Variants in NEU2 observed in about 807,000 individuals in gnomAD.
NEU2 encodes the protein sialidase-2.
NEU2 carries 7 observed loss-of-function variants against 6.3 expected under a neutral mutation model. That is an observed-to-expected ratio of 1.12 (90% CI 0.63 to 2.10). The LOEUF (loss-of-function observed/expected upper bound fraction) is 2.10. Among genes scored for constraint, NEU2 ranks in the 30% most tolerant of loss-of-function variants. The pLI, the probability that NEU2 is intolerant of heterozygous loss-of-function variation, is 0.00. For synonymous variants in NEU2, 208 were observed against 223.3 expected, an observed-to-expected ratio of 0.93 and a Z score of 0.61; for missense variants, 509 against 504.0, an observed-to-expected ratio of 1.01 and a Z score of -0.09.
At chr2:233,033,999 T>C (rs1303544734) in intron 1 of NEU2, 117 bp from the exon 2 acceptor site, 4 of 877,688 alleles carry the variant, frequency 4.6e-6, no homozygotes, top group Non-Finnish European at 7.1e-6. Flanking sequence ...TTCTTCTCGA[T>C]GACTTTTGAC....
rs2233389 is a variant in NEU2, at chr2:233,034,241, C to A, written c.327C>A (p.Val109=). ...FLFFIAIPGQ[V]TEQQQLQTRA... is the part of the protein sequence containing the mutation. ...TCTTCATTGCCATCCCTGGGCAAGT[C>A]ACGGAGCAACAGCAGCTGCAGACCA... Residue 109 remains valine, a synonymous_variant, in exon 2 of 2, where the codon GTC becomes GTA. Transcript: ENST00000233840. This position sits in a 1 kb window ranked among gnomAD's most constrained non-coding sequence, Gnocchi z 4.8. The A allele has an allele frequency of 8.6e-4, 1,393 of 1,614,190 alleles. 7 individuals carry two copies. In the East Asian group the frequency reaches 9.5e-3, roughly 11 times the overall value.
chr2:233,033,534 G>A (rs139730661), intron 1 of NEU2, among the ~76,000 whole-genome samples: 403 of 152,288 alleles, frequency 2.6e-3, no homozygotes, highest in African/African-American at 9.1e-3. Flanking sequence ...TTGGTGCTGT[G>A]TCTGTGCTTA....
Position 233,032,782 on chromosome 2 carries a change from C to G in NEU2, c.111C>G (p.Phe37Leu). The change falls in exon 1 of 2, where the codon TTC (phenylalanine) becomes TTG (leucine). Residue 37 changes from phenylalanine (F) to leucine (L), a missense_variant. Coordinates refer to ENST00000233840, the MANE Select transcript of NEU2 (RefSeq NM_005383.2). ...CTGGGCAGCAGTCCCTGCTGGCCTT[C>G]GCGGAACAGCGGGCAAGCAAGAAGG... The part of the protein sequence containing the change: ...YLPGQQSLLA[F>L]AEQRASKKDE... 1 of 1,614,188 alleles carries G rather than the reference C, an allele frequency of 6.2e-7. No homozygotes were observed. Among genetic ancestry groups the G allele is most frequent in the Non-Finnish European group, 8.5e-7 (1 of 1,180,044 alleles).
chr2:233,035,018 C>T lies in NEU2; in HGVS notation c.1104C>T (p.Thr368=). Residue 368 remains threonine (T), a synonymous_variant, in exon 2 of 2, where the codon ACC becomes ACT. Transcript: ENST00000233840. The part of the protein sequence containing the change: ...DYEEIVFLMF[T]LKQAFPAEYL... ...AGGAGATTGTCTTTCTCATGTTCAC[C>T]CTGAAGCAAGCCTTCCCAGCTGAGT... 2 of 1,611,442 alleles carry T rather than the reference C, an allele frequency of 1.2e-6. No individual in the cohort carries two copies. Among genetic ancestry groups the T allele is most frequent in the East Asian group, 2.2e-5 (1 of 44,852 alleles).
chr2:233,034,829 C>T lies in NEU2; in HGVS notation c.915C>T (p.Ala305=), dbSNP rs767831246. ...YTHPTHSWQR[A]DLGAYLNPRP... is the part of the protein sequence containing the mutation. ...ACCCCACACACTCCTGGCAGAGGGC[C>T]GACCTGGGTGCCTACCTCAACCCGC... The change falls in exon 2 of 2, where the codon GCC becomes GCT. Residue 305 remains alanine (A), a synonymous_variant. Transcript: ENST00000233840. The surrounding 1 kb of genome is among the most constrained non-coding windows in gnomAD (Gnocchi z 4.8). 18 of 1,599,366 alleles carry T rather than the reference C, an allele frequency of 1.1e-5. No homozygotes were observed. The highest frequency in any genetic ancestry group is 3.3e-4 in the Middle Eastern group (2 of 5,992).
At chr2:233,033,812 A>G (rs1261881740) in intron 1 of NEU2, among the ~76,000 whole-genome samples, 1 of 152,156 alleles carries the variant, frequency 6.6e-6, no homozygotes, top group East Asian at 1.9e-4. Flanking sequence ...CTCATGCACG[A>G]GTCATCTTCA....
rs980257379 is a variant in NEU2 at position 233,034,706 on chromosome 2, G to T, written c.792G>T (p.Leu264=). The change falls in exon 2 of 2, where the codon CTG becomes CTT. Residue 264 remains leucine, a synonymous_variant. Transcript: ENST00000233840. This position sits in a 1 kb window ranked among gnomAD's most constrained non-coding sequence, Gnocchi z 4.8. The part of the protein sequence containing the change: ...DFQESQLVKK[L]VEPPPQGCQG... ...AGGAGTCTCAGCTGGTGAAGAAGCT[G>T]GTGGAGCCGCCGCCCCAGGGCTGCC... 6.5e-6 allele frequency: 10 copies of T among 1,547,832 alleles called. No individual in the cohort carries two copies. The highest frequency in any genetic ancestry group is 8.7e-6 in the Non-Finnish European group (10 of 1,146,184).
chr2:233,034,334 A>G lies in NEU2; in HGVS notation c.420A>G (p.Arg140=). The G allele has an allele frequency of 6.2e-7, 1 of 1,614,108 alleles. No individual in the cohort carries two copies. Residue 140 remains arginine, a synonymous_variant, in exon 2 of 2, where the codon AGA becomes AGG. Transcript: ENST00000233840. The surrounding 1 kb of genome is among the most constrained non-coding windows in gnomAD (Gnocchi z 4.8). ...TDHGRTWSSP[R]DLTDAAIGPA... is the part of the protein sequence containing the mutation. ...ACGGGAGGACCTGGAGCTCCCCCAGAGACCTCACTGATGCGGCCATCGGCC... is the reference window on the plus strand; with the variant it reads ...ACGGGAGGACCTGGAGCTCCCCCAGGGACCTCACTGATGCGGCCATCGGCC...
chr2:233,033,821 C>T (rs1690547315), intron 1 of NEU2, among the ~76,000 whole-genome samples: 1 of 152,140 alleles, frequency 6.6e-6, no homozygotes, highest in Non-Finnish European at 1.5e-5. Context: ...GAGTCATCTT[C>T]ATATCTTGTG....
At position 233,034,256 on chromosome 2, in the gene NEU2, G is replaced by T. The variant is rs771265197; in HGVS notation, c.342G>T (p.Gln114His). ...CTGGGCAAGTCACGGAGCAACAGCA[G>T]CTGCAGACCAGGGCCAATGTGACGC... ...AIPGQVTEQQQLQTRANVTRL... is the reference protein window; with the variant it reads ...AIPGQVTEQQHLQTRANVTRL... The change falls in exon 2 of 2, where the codon CAG (glutamine) becomes CAT (histidine). Residue 114 changes from glutamine (Q) to histidine (H), a missense_variant. Transcript: ENST00000233840. This position sits in a 1 kb window ranked among gnomAD's most constrained non-coding sequence, Gnocchi z 4.8. 8 of 1,614,200 alleles carry T rather than the reference G, an allele frequency of 5.0e-6. No individual in the cohort carries two copies. In the Admixed American group the frequency reaches 5.0e-5, roughly 10 times the overall value.
At position 233,034,680 on chromosome 2, in the gene NEU2, C is replaced by T. The variant is rs747287252; in HGVS notation, c.766C>T (p.Gln256Ter). The stretch of plus-strand genomic sequence containing the variant: ...GAGCACCAATGACGGGCTTGATTTC[C>T]AGGAGTCTCAGCTGGTGAAGAAGCT... ...AQSTNDGLDFQESQLVKKLVE... is the reference protein window; with the variant it reads ...AQSTNDGLDF The change falls in exon 2 of 2, where the codon CAG becomes TAG. Residue 256 changes from glutamine (Q) to a stop codon, truncating the protein, a stop_gained. Transcript: ENST00000233840. LOFTEE classifies it low-confidence loss of function (END_TRUNC). This position sits in a 1 kb window ranked among gnomAD's most constrained non-coding sequence, Gnocchi z 4.8. 2 of 1,561,138 alleles carry T rather than the reference C, an allele frequency of 1.3e-6. No individual in the cohort carries two copies. The highest frequency in any genetic ancestry group is 1.7e-6 in the Non-Finnish European group (2 of 1,150,780).
At chr2:233,033,004 G>C in intron 1 of NEU2, 132 bp downstream of exon 1, 1 of 992,274 alleles carries the variant, frequency 1.0e-6, no homozygotes, top group Non-Finnish European at 1.5e-6. Flanking sequence ...CTCCGGAGGA[G>C]AGATAGAGCA....
chr2:233,034,624 G>T lies in NEU2; in HGVS notation c.710G>T (p.Arg237Ile), dbSNP rs749067551. 2 of 1,608,482 alleles carry T rather than the reference G, an allele frequency of 1.2e-6. No individual in the cohort carries two copies. The stretch of plus-strand genomic sequence containing the variant: ...CAGAGGGTGGTGACCCTCAACGCGA[G>T]AAGCCACCTCCGAGCCAGGGTCCAG... ...GEQRVVTLNA[R>I]SHLRARVQAQ... is the part of the protein sequence containing the mutation. Residue 237 changes from arginine to isoleucine, a missense_variant, in exon 2 of 2, where the codon AGA (arginine) becomes ATA (isoleucine). By Grantham distance (97) the Arg-to-Ile change is moderately conservative. Transcript: ENST00000233840. The surrounding 1 kb of genome is among the most constrained non-coding windows in gnomAD (Gnocchi z 4.8).
Position 233,034,483 on chromosome 2 carries a change from C to T in NEU2, c.569C>T (p.Pro190Leu), listed in dbSNP as rs369079778. The T allele has an allele frequency of 2.5e-5, 41 of 1,614,042 alleles. No individual in the cohort carries two copies. Among genetic ancestry groups the T allele is most frequent in the Middle Eastern group, 1.6e-4 (1 of 6,084 alleles). Residue 190 changes from proline to leucine, a missense_variant, in exon 2 of 2, where the codon CCG (proline) becomes CTG (leucine). Transcript: ENST00000233840. The surrounding 1 kb of genome is among the most constrained non-coding windows in gnomAD (Gnocchi z 4.8). ...AYRKLHPIQR[P>L]IPSAFCFLSH... Reference sequence around the variant, plus strand: ...CGGAAACTTCACCCCATCCAAAGGCCGATCCCCTCTGCCTTCTGCTTCCTC... The same window carrying T: ...CGGAAACTTCACCCCATCCAAAGGCTGATCCCCTCTGCCTTCTGCTTCCTC...
rs1415092811 is a variant in NEU2, at chr2:233,034,332, A to T, written c.418A>T (p.Arg140Ter). 1 of 1,614,084 alleles carries T rather than the reference A, an allele frequency of 6.2e-7. No individual in the cohort carries two copies. Among genetic ancestry groups the T allele is most frequent in the Admixed American group, 1.7e-5 (1 of 60,020 alleles). The change falls in exon 2 of 2, where the codon AGA (arginine) becomes TGA (stop). Residue 140 changes from arginine to a stop codon, truncating the protein, a stop_gained. Transcript: ENST00000233840. LOFTEE classifies it low-confidence loss of function (END_TRUNC). This position sits in a 1 kb window ranked among gnomAD's most constrained non-coding sequence, Gnocchi z 4.8. ...CCACGGGAGGACCTGGAGCTCCCCC[A>T]GAGACCTCACTGATGCGGCCATCGG... ...TDHGRTWSSP[R>*]DLTDAAIGPA...
At chr2:233,033,008 T>G in intron 1 of NEU2, 136 bp downstream of exon 1, 11 of 970,870 alleles carry the variant, frequency 1.1e-5, no homozygotes, top group South Asian at 3.3e-5. Context: ...GGAGGAGAGA[T>G]AGAGCAGAGA....
intron 1 of NEU2, among the ~76,000 whole-genome samples, chr2:233,033,154 A>G (rs2106359267): frequency 6.6e-6 from 1 of 152,328 alleles, no homozygotes; most frequent in Middle Eastern, 3.4e-3. Flanking sequence ...TCAGTGTTGC[A>G]TAATGGAGGG....
At chr2:233,033,128 C>T (rs1690537712) in intron 1 of NEU2, among the ~76,000 whole-genome samples, 1 of 152,138 alleles carries the variant, frequency 6.6e-6, no homozygotes, top group South Asian at 2.1e-4. Flanking sequence ...CCGTGATGAC[C>T]TCACGGAGGA....
chr2:233,033,438 G>A (rs146361902), intron 1 of NEU2, among the ~76,000 whole-genome samples: 4 of 152,232 alleles, frequency 2.6e-5, no homozygotes, highest in South Asian at 4.1e-4. Context: ...TCCCTGTCGC[G>A]GTCTCTTGCT....
Sources: gnomAD v4.1 joint callset for allele counts (sites outside exome capture counted in the v4.1 genomes callset) on GRCh38, gnomAD v4.1.1 for gene constraint, Gnocchi (gnomAD v3.1) non-coding constraint, MANE v1.5 for transcripts, NCBI Gene and HGNC (gene_info 2026-07-23, HGNC 2026-07-21) for gene names.